The following ARVCF variants were observed in gnomAD, a reference collection of about 807,000 sequenced individuals.
ARVCF encodes splicing regulator ARVCF.
A neutral mutation model predicts 90.9 loss-of-function variants in ARVCF; 66 were observed. That is an observed-to-expected ratio of 0.73 (90% confidence interval 0.60 to 0.89). The LOEUF is 0.89. Ranked by LOEUF, ARVCF falls within the 40% of genes least tolerant of loss-of-function variation. The pLI, the probability that ARVCF is intolerant of heterozygous loss-of-function variation, is 0.00. For synonymous variants in ARVCF, 653 were observed against 603.4 expected (o/e 1.08, Z -1.21); for missense variants, 1,469 against 1,382.3 (o/e 1.06, Z -1.00).
chr22:20,002,684 T>A (rs1002999313), intron 2 of ARVCF, among the ~76,000 whole-genome samples: 4 of 152,114 alleles, frequency 2.6e-5, no homozygotes, highest in African/African-American at 9.7e-5. Context: ...ACCCAAGGGA[T>A]CCTGTGCTTG....
chr22:19,976,553 C>A (rs1030359970), intron 10 of ARVCF, among the ~76,000 whole-genome samples, 153 bp downstream of exon 10: 6 of 152,192 alleles, frequency 3.9e-5, no homozygotes, highest in African/African-American at 1.2e-4. Context: ...AGAATGAGCC[C>A]CGTGGCCTTC....
At position 19,980,763 on chromosome 22, in the gene ARVCF, GGGTT is replaced by G. The variant is rs1342675692; in HGVS notation, c.896+444_896+447del. The stretch of plus-strand genomic sequence containing the variant: ...TCTCCTTAGCTCTCAGTAGCCCTGT[GGGTT>G]GCTGTCATCAAACCGCCTGCCCTGA... On this transcript the variant is annotated intron_variant, in intron 5 of 19. Coordinates refer to ENST00000263207, the MANE Select transcript of ARVCF (RefSeq NM_001670.3). 10 of 189,974 alleles carry G rather than the reference GGGTT, an allele frequency of 5.3e-5. 1 individual carries two copies. Among genetic ancestry groups the G allele is most frequent in the African/African-American group, 2.1e-4 (9 of 42,856 alleles). The allele number at this position is 189,974 out of a possible 1,614,324, so 11.8% of individuals were successfully genotyped here.
Position 19,979,235 on chromosome 22 carries a change from C to T in ARVCF, c.1397-155G>A, listed in dbSNP as rs545526900. 5 of 809,824 alleles carry T rather than the reference C, an allele frequency of 6.2e-6. No homozygotes were observed. The African/African-American group carries it at 8.7e-5, about 14-fold the overall frequency. The allele number at this position is 809,824 out of a possible 1,614,324, so 50.2% of individuals were successfully genotyped here. ...AAGCCGTGAGTGGTTCCGGGGGACA[C>T]CCAGTACTGGTTTCCAGCTAGGAAG... On this transcript the variant is annotated intron_variant, in intron 6 of 19. Coordinates refer to ENST00000263207, the MANE Select transcript of ARVCF (RefSeq NM_001670.3).
Position 19,979,099 on chromosome 22 carries a change from C to A in ARVCF, c.1397-19G>T, listed in dbSNP as rs1943332095. On this transcript the variant is annotated intron_variant, in intron 6 of 19. Transcript: ENST00000263207. Reference sequence around the variant, plus strand: ...AGGGTGCCTGTGGGGTGCGATTGGCCAATCTGTGCTGACCATATGCACCGC... The same window carrying A: ...AGGGTGCCTGTGGGGTGCGATTGGCAAATCTGTGCTGACCATATGCACCGC... 2 of 1,607,304 alleles carry A rather than the reference C, an allele frequency of 1.2e-6. No homozygotes were observed. The highest frequency in any genetic ancestry group is 2.2e-5 in the East Asian group (1 of 44,710).
rs371339579 is a variant in ARVCF, at chr22:19,978,972, C to T, written c.1505G>A (p.Arg502His). 3.1e-6 allele frequency: 5 copies of T among 1,613,338 alleles called. No homozygotes were observed. The highest frequency in any genetic ancestry group is 1.3e-5 in the African/African-American group (1 of 75,026). Residue 502 changes from arginine to histidine, a missense_variant, in exon 7 of 20, where the codon CGT (arginine) becomes CAT (histidine). Transcript: ENST00000263207. ...EVIVPHSGWEREPNEDSKPRD... is the reference protein window; with the variant it reads ...EVIVPHSGWEHEPNEDSKPRD... Reference sequence around the variant, plus strand: ...TGGCTTGGAGTCCTCGTTGGGCTCACGCTCCCATCCTGAGTGGGGCACGAT... The same window carrying T: ...TGGCTTGGAGTCCTCGTTGGGCTCATGCTCCCATCCTGAGTGGGGCACGAT...
At position 20,015,268 on chromosome 22, in the gene ARVCF, G is replaced by C. The variant is rs147085899; in HGVS notation, c.-73+1321C>G. Among the ~76,000 whole-genome samples, 467 of 152,322 alleles carry C rather than the reference G, an allele frequency of 3.1e-3. 8 individuals are homozygous for C. The highest frequency in any genetic ancestry group is 0.025 in the Admixed American group (386 of 15,302). ...CTCTGCTGGGCGCTGGTGGACCCCA[G>C]AATGGGGGTAGGGTGGGGACAGGGG... On this transcript the variant is annotated intron_variant, in intron 1 of 19. Coordinates refer to ENST00000263207, the MANE Select transcript of ARVCF (RefSeq NM_001670.3).
chr22:19,968,981 G>T, downstream of ARVCF: 1 of 413,018 alleles, frequency 2.4e-6, no homozygotes, highest in Non-Finnish European at 4.4e-6. Context: ...CTAATATCAT[G>T]TTTTAAAAAT....
chr22:19,974,552 T>C (rs1172326113), intron 11 of ARVCF, among the ~76,000 whole-genome samples: 2 of 152,068 alleles, frequency 1.3e-5, no homozygotes, highest in East Asian at 3.9e-4. Context: ...CATTTCCCGG[T>C]AGGTCCCTGA....
rs747983224 is a variant in ARVCF, at chr22:19,981,507, G to A, written c.600C>T (p.Ser200=). 2 of 1,564,510 alleles carry A rather than the reference G, an allele frequency of 1.3e-6. No homozygotes were observed. The highest frequency in any genetic ancestry group is 1.8e-5 in the Admixed American group (1 of 55,152). ...PEGPEPRDSP[S]YGSLSRGLGM... ...CCAGCCCTCGGGACAGGCTGCCATA[G>A]CTGGGGCTGTCCCGGGGCTCGGGGC... Residue 200 remains serine, a synonymous_variant, in exon 5 of 20, where the codon AGC becomes AGT. Coordinates refer to ENST00000263207, the MANE Select transcript of ARVCF (RefSeq NM_001670.3).
intron 2 of ARVCF, among the ~76,000 whole-genome samples, chr22:20,005,409 AATT>A (rs1204787500): frequency 6.6e-6 from 1 of 152,174 alleles, no homozygotes; most frequent in Non-Finnish European, 1.5e-5. Flanking sequence ...GATACAGACA[AATT>A]AAGACCCTTG....
At chr22:19,983,303 G>C (rs1943600144) in intron 3 of ARVCF, among the ~76,000 whole-genome samples, 1 of 152,216 alleles carries the variant, frequency 6.6e-6, no homozygotes, top group Non-Finnish European at 1.5e-5. Flanking sequence ...GGGCCCCCTG[G>C]GGCCTGCACA....
At chr22:19,978,370 G>A (rs776461603) in intron 7 of ARVCF, among the ~76,000 whole-genome samples, 9 of 152,164 alleles carry the variant, frequency 5.9e-5, no homozygotes, top group Non-Finnish European at 1.3e-4. Flanking sequence ...CACTCTCAGA[G>A]AGACCTGAAC....
intron 3 of ARVCF, among the ~76,000 whole-genome samples, chr22:19,989,037 G>A (rs147262786): frequency 2.6e-5 from 4 of 152,320 alleles, no homozygotes; most frequent in South Asian, 2.1e-4. Flanking sequence ...GGACAGTTCC[G>A]GTCTGGGAGG....
At chr22:19,978,221 G>T in intron 7 of ARVCF, 146 bp from the exon 8 acceptor site, 1 of 672,838 alleles carries the variant, frequency 1.5e-6, no homozygotes, top group Non-Finnish European at 2.4e-6. Context: ...ACAGTCTGGA[G>T]CTCAGTGAAG....
chr22:19,969,751 G>T, downstream of ARVCF: 1 of 856,480 alleles, frequency 1.2e-6, no homozygotes, highest in Non-Finnish European at 1.4e-6. Context: ...GGCCACCCAG[G>T]GACCAGAAAC....
intron 3 of ARVCF, among the ~76,000 whole-genome samples, chr22:19,984,713 A>G (rs905417947): frequency 2.0e-5 from 3 of 152,190 alleles, no homozygotes; most frequent in Non-Finnish European, 4.4e-5. Context: ...CTGTTCCCAG[A>G]GGCACACTCG....
intron 9 of ARVCF, 66 bp from the exon 10 acceptor site, chr22:19,976,789 C>A (rs941867189): frequency 3.3e-6 from 5 of 1,534,826 alleles, no homozygotes; most frequent in Admixed American, 3.9e-5. Flanking sequence ...CATCACCCCC[C>A]CATGCCCTCC....
intron 16 of ARVCF, 21 bp from the exon 17 acceptor site, chr22:19,972,432 A>AGG: frequency 6.2e-7 from 1 of 1,612,962 alleles, no homozygotes; most frequent in Non-Finnish European, 8.5e-7. Flanking sequence ...GGAGGAGGAG[A>AGG]CGGGCTGCAT....
intron 2 of ARVCF, among the ~76,000 whole-genome samples, chr22:20,008,210 G>A (rs1185444077): frequency 2.0e-5 from 3 of 152,182 alleles, no homozygotes; most frequent in Non-Finnish European, 4.4e-5. Flanking sequence ...CTGTCATAGG[G>A]GCCAGGCGGC....
Sources: allele counts gnomAD v4.1 joint callset (sites outside exome capture counted in the v4.1 genomes callset), GRCh38; gene constraint gnomAD v4.1.1; transcripts MANE v1.5; gene names NCBI Gene and HGNC (gene_info 2026-07-23, HGNC 2026-07-21).